The following CFTR variants were observed in gnomAD, a reference collection of about 807,000 sequenced individuals.
The protein encoded by CFTR is cystic fibrosis transmembrane conductance regulator.
A neutral mutation model predicts 171.6 loss-of-function variants in CFTR; 181 were observed. The ratio of observed to expected loss-of-function variants is 1.05; its 90% confidence interval spans 0.93 to 1.19. The LOEUF (loss-of-function observed/expected upper bound fraction) is 1.19, where lower values mean the gene tolerates loss of function less well. CFTR is among the 50% of genes most tolerant of loss of function. The pLI, the probability that CFTR is intolerant of heterozygous loss-of-function variation, is 0.00. For missense variants in CFTR, 1,968 were observed against 1,734.7 expected (o/e 1.13, Z -2.39); for synonymous variants, 583 against 608.0 (o/e 0.96, Z 0.60).
At chr7:117,518,947 T>G (rs1206730893) in intron 3 of CFTR, among the ~76,000 whole-genome samples, 1 of 152,210 alleles carries the variant, frequency 6.6e-6, no homozygotes, top group Non-Finnish European at 1.5e-5. Context: ...TCTTTCATTA[T>G]TGTGTTATCT....
At chr7:117,520,900 A>G (rs1798674928) in intron 3 of CFTR, among the ~76,000 whole-genome samples, 1 of 151,990 alleles carries the variant, frequency 6.6e-6, no homozygotes. Flanking sequence ...TTCCAAAAAA[A>G]TCTTTAAATG....
In CFTR at chr7:117,531,009, C is replaced by T. The variant is rs1388235792; in HGVS notation, c.384C>T (p.Cys128=). The T allele has an allele frequency of 6.2e-7, 1 of 1,613,710 alleles. No homozygotes were observed. ...CGATTTATCTAGGCATAGGCTTATG[C>T]CTTCTCTTTATTGTGAGGACACTGC... The part of the protein sequence containing the change: ...SIAIYLGIGL[C]LLFIVRTLLL... The change falls in exon 4 of 27, where the codon TGC becomes TGT. Residue 128 remains cysteine (C), a synonymous_variant. Transcript: ENST00000003084.
At chr7:117,507,912 G>C (rs892416825) in intron 2 of CFTR, among the ~76,000 whole-genome samples, 1 of 152,168 alleles carries the variant, frequency 6.6e-6, no homozygotes, top group Non-Finnish European at 1.5e-5. Context: ...AGTCTCCTGA[G>C]TAGCTGGGAC....
chr7:117,646,893 A>G (rs1793003327), intron 23 of CFTR, among the ~76,000 whole-genome samples: 1 of 151,994 alleles, frequency 6.6e-6, no homozygotes, highest in Non-Finnish European at 1.5e-5. Context: ...CTTTTATGCT[A>G]TCTCTGAAAA....
intron 2 of CFTR, among the ~76,000 whole-genome samples, chr7:117,507,894 C>T (rs191915561): frequency 1.3e-4 from 20 of 152,230 alleles, no homozygotes; most frequent in African/African-American, 3.9e-4. Flanking sequence ...TGGGTTCAAG[C>T]GAATCTCAGT....
chr7:117,530,761 A>G (rs1798845645), intron 3 of CFTR, 138 bp from the exon 4 acceptor site: 1 of 674,134 alleles, frequency 1.5e-6, no homozygotes, highest in Non-Finnish European at 2.7e-6. Flanking sequence ...TAGTGCTAAG[A>G]GTTTCACATA....
rs1800118 is a variant in CFTR at position 117,611,726 on chromosome 7, A to T, written c.3285A>T (p.Thr1095=). The stretch of plus-strand genomic sequence containing the variant: ...CCAACTGGTTCTTGTACCTGTCAAC[A>T]CTGCGCTGGTTCCAAATGAGAATAG... ...HTANWFLYLS[T]LRWFQMRIEM... is the part of the protein sequence containing the mutation. Residue 1095 remains threonine (T), a synonymous_variant, in exon 20 of 27, where the codon ACA becomes ACT. Coordinates refer to ENST00000003084, the MANE Select transcript of CFTR (RefSeq NM_000492.4). 11,613 of 1,613,524 alleles carry T rather than the reference A, an allele frequency of 7.2e-3. 41 individuals are homozygous for T. The highest frequency in any genetic ancestry group is 9.0e-3 in the Non-Finnish European group (10,634 of 1,179,704).
intron 10 of CFTR, among the ~76,000 whole-genome samples, chr7:117,557,342 A>G (rs1799377565): frequency 6.6e-6 from 1 of 152,178 alleles, no homozygotes; most frequent in Non-Finnish European, 1.5e-5. Context: ...CTCTGACCAC[A>G]TAAAAGAATA....
intron 22 of CFTR, among the ~76,000 whole-genome samples, chr7:117,635,270 T>C (rs1792808784): frequency 6.6e-6 from 1 of 152,144 alleles, no homozygotes; most frequent in African/African-American, 2.4e-5. Flanking sequence ...AGGTCTCTTT[T>C]GGTTGGTGTT....
chr7:117,558,517 G>T (rs1799399010), intron 10 of CFTR, among the ~76,000 whole-genome samples: 2 of 151,814 alleles, frequency 1.3e-5, no homozygotes, highest in Middle Eastern at 6.8e-3. Flanking sequence ...TCGCGCCACT[G>T]CACTCTAGCC....
At chr7:117,630,649 G>A (rs1356990168) in intron 22 of CFTR, among the ~76,000 whole-genome samples, 1 of 152,190 alleles carries the variant, frequency 6.6e-6, no homozygotes, top group African/African-American at 2.4e-5. Flanking sequence ...TGCATAAGGT[G>A]CAAATTCCCC....
intron 7 of CFTR, among the ~76,000 whole-genome samples, chr7:117,538,304 C>A (rs1447860416): frequency 1.3e-5 from 2 of 152,140 alleles, no homozygotes; most frequent in Non-Finnish European, 2.9e-5. Context: ...CTCTGAAAAT[C>A]CACTCTTTTA....
chr7:117,497,153 C>T (rs1463665285), intron 1 of CFTR, among the ~76,000 whole-genome samples: 2 of 152,060 alleles, frequency 1.3e-5, no homozygotes, highest in African/African-American at 2.4e-5. Context: ...TCTGACTCTG[C>T]CCTTGACAAA....
At chr7:117,537,288 T>A (rs2116679563) in intron 7 of CFTR, among the ~76,000 whole-genome samples, 1 of 152,320 alleles carries the variant, frequency 6.6e-6, no homozygotes, top group East Asian at 1.9e-4. Flanking sequence ...AACCTTTCAC[T>A]GATTAGTAAA....
intron 23 of CFTR, among the ~76,000 whole-genome samples, chr7:117,645,910 C>G (rs1157330672): frequency 6.6e-6 from 1 of 152,102 alleles, no homozygotes; most frequent in Non-Finnish European, 1.5e-5. Context: ...AATAGAAATG[C>G]TAGATAAAAC....
Position 117,649,492 on chromosome 7 carries a change from T to C in CFTR, c.3874-3350T>C, listed in dbSNP as rs2116187827. Among the ~76,000 whole-genome samples, 2 of 123,112 alleles carry C rather than the reference T, an allele frequency of 1.6e-5. 1 individual carries two copies. The highest frequency in any genetic ancestry group is 1.6e-4 in the Admixed American group (2 of 12,438). The allele number at this position is 123,112 out of a possible 152,430, so 80.8% of individuals were successfully genotyped here. On this transcript the variant is annotated intron_variant, in intron 23 of 26. Coordinates refer to ENST00000003084, the MANE Select transcript of CFTR (RefSeq NM_000492.4). ...TCTGTACATATATATATAGTGTGTG[T>C]GTGTGTATATATATATATATATATA...
chr7:117,546,767 C>T (rs1440554796), intron 9 of CFTR, among the ~76,000 whole-genome samples: 3 of 152,206 alleles, frequency 2.0e-5, no homozygotes, highest in African/African-American at 7.2e-5. Flanking sequence ...CAGCCACTCA[C>T]ACCATTCCTG....
chr7:117,534,723 C>T (rs1434374308), intron 5 of CFTR, among the ~76,000 whole-genome samples: 1 of 152,122 alleles, frequency 6.6e-6, no homozygotes, highest in Non-Finnish European at 1.5e-5. Flanking sequence ...ATTCAAGGTC[C>T]TTGGGACAGA....
chr7:117,545,678 T>A (rs998096549), intron 9 of CFTR, among the ~76,000 whole-genome samples: 19 of 152,220 alleles, frequency 1.2e-4, no homozygotes, highest in African/African-American at 4.3e-4. Flanking sequence ...ATTAGGAAGC[T>A]GAGGCTTAGA....
Sources: allele counts gnomAD v4.1 joint callset (sites outside exome capture counted in the v4.1 genomes callset), GRCh38; gene constraint gnomAD v4.1.1; transcripts MANE v1.5; gene names NCBI Gene and HGNC (gene_info 2026-07-23, HGNC 2026-07-21).